The following TULP4 variants were observed in gnomAD, a reference collection of about 807,000 sequenced individuals.
TULP4 encodes tubby-related protein 4.
Under a neutral mutation model 129.0 loss-of-function variants are expected in TULP4, and 16 were observed. That is an observed-to-expected ratio of 0.12 (90% CI 0.08 to 0.19). The LOEUF (loss-of-function observed/expected upper bound fraction) is 0.19. Among genes scored for constraint, TULP4 ranks in the 10% least tolerant of loss-of-function variants. The pLI is 1.00. For synonymous variants in TULP4, 998 were observed against 854.0 expected, an observed-to-expected ratio of 1.17 and a Z score of -2.94; for missense variants, 1,842 against 2,059.1, an observed-to-expected ratio of 0.89 and a Z score of 2.04.
intron 1 of TULP4, among the ~76,000 whole-genome samples, chr6:158,387,882 C>G (rs12190586): frequency 0.013 from 1,948 of 152,324 alleles, 20 homozygotes; most frequent in South Asian, 0.024. Context: ...CATTTCCTCT[C>G]TTAATTCAAG....
At chr6:158,385,775 T>C (rs1287496080) in intron 1 of TULP4, among the ~76,000 whole-genome samples, 2 of 148,058 alleles carry the variant, frequency 1.4e-5, no homozygotes, top group East Asian at 3.9e-4. Flanking sequence ...TCCAAAATAG[T>C]CTTGCCATCA....
chr6:158,291,490 C>T (rs1450733363), intron 1 of TULP4, among the ~76,000 whole-genome samples: 1 of 152,110 alleles, frequency 6.6e-6, no homozygotes, highest in Non-Finnish European at 1.5e-5. Context: ...TTATTGTGCA[C>T]TTTTACTAAA....
intron 1 of TULP4, among the ~76,000 whole-genome samples, chr6:158,365,556 A>G (rs970882505): frequency 3.3e-5 from 5 of 149,900 alleles, no homozygotes; most frequent in African/African-American, 1.2e-4. Context: ...AGCTCACTGC[A>G]AGCTCCGCCT....
intron 1 of TULP4, among the ~76,000 whole-genome samples, chr6:158,264,582 C>T (rs529320992): frequency 6.6e-6 from 1 of 152,062 alleles, no homozygotes; most frequent in Non-Finnish European, 1.5e-5. Flanking sequence ...GGAAGATGCA[C>T]CTGGAGGGCT....
chr6:158,298,383 T>C (rs993232504), intron 1 of TULP4, among the ~76,000 whole-genome samples: 1 of 150,330 alleles, frequency 6.7e-6, no homozygotes, highest in Non-Finnish European at 1.5e-5. Flanking sequence ...TAAATGTCCA[T>C]ATTAAAATGA....
intron 1 of TULP4, among the ~76,000 whole-genome samples, chr6:158,356,437 A>G (rs1035749675): frequency 6.6e-6 from 1 of 152,222 alleles, no homozygotes; most frequent in Non-Finnish European, 1.5e-5. Flanking sequence ...GATCAGGACT[A>G]TTGGATTCAG....
intron 1 of TULP4, among the ~76,000 whole-genome samples, chr6:158,297,666 G>A (rs185125733): frequency 4.2e-3 from 638 of 152,148 alleles, no homozygotes; most frequent in South Asian, 7.1e-3. Flanking sequence ...CCTCTGCCAC[G>A]GCTCCAGCTG....
rs778804330 is a variant in TULP4, at chr6:158,503,643, C to T, written c.3980C>T (p.Pro1327Leu). 1 of 1,614,060 alleles carries T rather than the reference C, an allele frequency of 6.2e-7. No homozygotes were observed. The highest frequency in any genetic ancestry group is 2.2e-5 in the East Asian group (1 of 44,880). The change falls in exon 13 of 14, where the codon CCC becomes CTC. Residue 1327 changes from proline to leucine, a missense_variant. Physicochemically the swap from Pro to Leu is moderately conservative, Grantham distance 98. Coordinates refer to ENST00000367097, the MANE Select transcript of TULP4 (RefSeq NM_020245.5). The surrounding 1 kb of genome is among the most constrained non-coding windows in gnomAD (Gnocchi z 4.3). ...EVLSLTESPV[P>L]QRTEKFGKKN... is the part of the protein sequence containing the mutation. ...CTCTCCCTGACCGAAAGCCCAGTCC[C>T]CCAGCGGACAGAAAAATTTGGAAAG...
At chr6:158,274,361 G>A (rs188673243) in intron 1 of TULP4, among the ~76,000 whole-genome samples, 73 of 152,278 alleles carry the variant, frequency 4.8e-4, no homozygotes, top group South Asian at 1.0e-3. Context: ...CTTAGTGCTG[G>A]CCACCACCAG....
In TULP4 at chr6:158,480,959, G is replaced by A. The variant is rs1779928060; in HGVS notation, c.1252-96G>A. On this transcript the variant is annotated intron_variant, in intron 7 of 13. Coordinates refer to ENST00000367097, the MANE Select transcript of TULP4 (RefSeq NM_020245.5). ...AGCCTGTGCTCTGTCTGGAACAGTA[G>A]CGTTTTTAGTTGACCTGCCCCCGTG... 29 of 1,088,024 alleles carry A rather than the reference G, an allele frequency of 2.7e-5. No homozygotes were observed. The South Asian group carries it at 4.3e-4, about 16-fold the overall frequency. 67.4% of individuals were successfully genotyped at this position (1,088,024 alleles called of 1,614,324 possible).
At chr6:158,312,332 C>T, upstream of TULP4, 2 of 389,808 alleles carry the variant, frequency 5.1e-6, no homozygotes, top group Admixed American at 4.4e-5. Flanking sequence ...GCCAGTTTTC[C>T]ATATGGTCTG....
chr6:158,461,359 C>T (rs1779420340), intron 5 of TULP4, among the ~76,000 whole-genome samples: 1 of 150,292 alleles, frequency 6.7e-6, no homozygotes, highest in Admixed American at 6.7e-5. Flanking sequence ...TGCAGTGAGC[C>T]GAGATCACGC....
chr6:158,275,686 A>C (rs949598547), intron 1 of TULP4, among the ~76,000 whole-genome samples: 1 of 152,226 alleles, frequency 6.6e-6, no homozygotes, highest in African/African-American at 2.4e-5. Flanking sequence ...CATGGAGCCC[A>C]AGGAAATAGG....
chr6:158,273,014 C>G (rs1238796733), intron 1 of TULP4, among the ~76,000 whole-genome samples: 1 of 152,158 alleles, frequency 6.6e-6, no homozygotes, highest in Non-Finnish European at 1.5e-5. Context: ...AAAGTGAAGG[C>G]CCTTGTTGAG....
rs779080360 is a variant in TULP4, at chr6:158,502,539, C to T, written c.2876C>T (p.Pro959Leu). 3.1e-6 allele frequency: 5 copies of T among 1,609,900 alleles called. No individual in the cohort carries two copies. The highest frequency in any genetic ancestry group is 4.2e-6 in the Non-Finnish European group (5 of 1,179,954). ...PRYSIPTGDP[P>L]PYPEIASQLA... ...TACTCCATCCCCACCGGGGACCCACCCCCGTATCCTGAAATTGCCAGCCAG... is the reference window on the plus strand; with the variant it reads ...TACTCCATCCCCACCGGGGACCCACTCCCGTATCCTGAAATTGCCAGCCAG... Residue 959 changes from proline (P) to leucine (L), a missense_variant, in exon 13 of 14, where the codon CCC (proline) becomes CTC (leucine). Transcript: ENST00000367097.
At chr6:158,308,482 T>C (rs1182287268), upstream of TULP4, among the ~76,000 whole-genome samples, 1 of 151,994 alleles carries the variant, frequency 6.6e-6, no homozygotes, top group Non-Finnish European at 1.5e-5. Flanking sequence ...AAAACCGCCA[T>C]TGTCATCATG....
At chr6:158,295,726 A>G (rs1213845180) in intron 1 of TULP4, among the ~76,000 whole-genome samples, 4 of 152,052 alleles carry the variant, frequency 2.6e-5, no homozygotes, top group African/African-American at 9.7e-5. Context: ...CATCTCTACT[A>G]AAAAATACAA....
intron 3 of TULP4, among the ~76,000 whole-genome samples, chr6:158,431,462 G>A (rs529342789): frequency 6.6e-6 from 1 of 152,198 alleles, no homozygotes; most frequent in South Asian, 2.1e-4. Flanking sequence ...AGTGTCCCCA[G>A]CAGACTGTGC....
chr6:158,501,992 C>T lies in TULP4; in HGVS notation c.2329C>T (p.Pro777Ser), dbSNP rs1162413383. Residue 777 changes from proline to serine, a missense_variant, in exon 13 of 14, where the codon CCC (proline) becomes TCC (serine). Pro to Ser is a moderately conservative substitution (Grantham distance 74, BLOSUM62 -1). Around this residue, in one of 5 missense-constraint regions of TULP4, gnomAD observed 1,089 missense variants for 987.1 expected, o/e 1.10. Coordinates refer to ENST00000367097, the MANE Select transcript of TULP4 (RefSeq NM_020245.5). ...IQNPPPLSLP[P>S]PPQGPMQLST... The stretch of plus-strand genomic sequence containing the variant: ...GAACCCCCCTCCACTGTCCCTGCCT[C>T]CCCCGCCGCAGGGGCCCATGCAGCT... The T allele has an allele frequency of 3.1e-6, 5 of 1,613,734 alleles. No homozygotes were observed. In the South Asian group the frequency reaches 5.5e-5, roughly 18 times the overall value.
Sources: allele counts gnomAD v4.1 joint callset (sites outside exome capture counted in the v4.1 genomes callset), GRCh38; gene constraint gnomAD v4.1.1; regional missense constraint gnomAD v4.1.1; non-coding constraint Gnocchi (gnomAD v3.1); transcripts MANE v1.5; gene names NCBI Gene and HGNC (gene_info 2026-07-23, HGNC 2026-07-21).